The following COL6A2 variants were observed in gnomAD, a reference collection of about 807,000 sequenced individuals.
COL6A2 encodes the protein collagen type VI alpha 2 chain, also known as collagen alpha-2(VI) chain.
Under a neutral mutation model 124.9 loss-of-function variants are expected in COL6A2, and 90 were observed. The observed-to-expected ratio is 0.72, with a 90% CI of 0.61 to 0.86. The LOEUF is 0.86. COL6A2 is among the 40% of genes least tolerant of loss of function. The pLI, the probability that COL6A2 is intolerant of heterozygous loss-of-function variation, is 0.00. For synonymous variants in COL6A2, 793 were observed against 618.2 expected, an observed-to-expected ratio of 1.28 and a Z score of -4.19; for missense variants, 1,607 against 1,502.5, an observed-to-expected ratio of 1.07 and a Z score of -1.15.
chr21:46,124,364 C>A (rs2078626298), intron 21 of COL6A2, among the ~76,000 whole-genome samples: 3 of 152,038 alleles, frequency 2.0e-5, no homozygotes, highest in Non-Finnish European at 2.9e-5. Context: ...GGTGGAATAC[C>A]CATGGATTGG....
chr21:46,124,865 C>T lies in COL6A2; in HGVS notation c.1735-20C>T. On this transcript the variant is annotated intron_variant, in intron 22 of 27. Transcript: ENST00000300527. Reference sequence around the variant, plus strand: ...CCCAGCCTTGGCCCCAGAGTCTCAGCCTCATCCTTCCTTCCCCAGGGTGAG... The same window carrying T: ...CCCAGCCTTGGCCCCAGAGTCTCAGTCTCATCCTTCCTTCCCCAGGGTGAG... 6.2e-7 allele frequency: 1 copy of T among 1,612,878 alleles called. No homozygotes were observed. Among genetic ancestry groups the T allele is most frequent in the Non-Finnish European group, 8.5e-7 (1 of 1,179,946 alleles).
Position 46,116,855 on chromosome 21 carries a change from G to T in COL6A2, c.999+41G>T. Reference sequence around the variant, plus strand: ...GGCTCACAGCTGGACTGGTCTCACAGAGGCATCCCAGCCTCTGCAGGGCCC... The same window carrying T: ...GGCTCACAGCTGGACTGGTCTCACATAGGCATCCCAGCCTCTGCAGGGCCC... On this transcript the variant is annotated intron_variant, in intron 10 of 27. Coordinates refer to ENST00000300527, the MANE Select transcript of COL6A2 (RefSeq NM_001849.4). This position sits in a 1 kb window ranked among gnomAD's most constrained non-coding sequence, Gnocchi z 4.6. The T allele has an allele frequency of 6.2e-7, 1 of 1,610,878 alleles. No homozygotes were observed. The highest frequency in any genetic ancestry group is 1.1e-5 in the South Asian group (1 of 90,986).
At position 46,125,298 on chromosome 21, in the gene COL6A2, C is replaced by T. The variant is rs1249448819; in HGVS notation, c.1803C>T (p.Thr601=). 7 of 1,611,270 alleles carry T rather than the reference C, an allele frequency of 4.3e-6. No homozygotes were observed. The highest frequency in any genetic ancestry group is 5.9e-6 in the Non-Finnish European group (7 of 1,179,002). ...ACGTCATGACCTACGTGAGGGAGAC[C>T]TGCGGGTGCTGCGGTGAGGCACTGC... The part of the protein sequence containing the change: ...ECDVMTYVRE[T]CGCCDCEKRC... The change falls in exon 24 of 28, where the codon ACC becomes ACT. Residue 601 remains threonine, a synonymous_variant. Coordinates refer to ENST00000300527, the MANE Select transcript of COL6A2 (RefSeq NM_001849.4).
chr21:46,113,923 G>T, intron 4 of COL6A2, 85 bp from the exon 5 acceptor site: 1 of 1,144,344 alleles, frequency 8.7e-7, no homozygotes, highest in Non-Finnish European at 1.3e-6. Flanking sequence ...GCTGAGAGTC[G>T]TGGGCTACAC....
intron 27 of COL6A2, among the ~76,000 whole-genome samples, chr21:46,131,104 G>A (rs1035479716): frequency 6.6e-6 from 1 of 152,228 alleles, no homozygotes; most frequent in Non-Finnish European, 1.5e-5. Flanking sequence ...GTTGGGCTGA[G>A]AAGCAGACAC....
In COL6A2 at chr21:46,125,294, A is replaced by G; in HGVS notation, c.1799A>G (p.Glu600Gly). 1 of 1,611,742 alleles carries G rather than the reference A, an allele frequency of 6.2e-7. No individual in the cohort carries two copies. Among genetic ancestry groups the G allele is most frequent in the Non-Finnish European group, 8.5e-7 (1 of 1,179,304 alleles). Residue 600 changes from glutamate to glycine, a missense_variant, in exon 24 of 28, where the codon GAG (glutamate) becomes GGG (glycine). Glu to Gly is a moderately conservative substitution (Grantham distance 98). Around this residue, in one of 3 missense-constraint regions of COL6A2, gnomAD observed 1,223 missense variants for 1,052.2 expected, o/e 1.16. Coordinates refer to ENST00000300527, the MANE Select transcript of COL6A2 (RefSeq NM_001849.4). ...TECDVMTYVR[E>G]TCGCCDCEKR... ...TGTGACGTCATGACCTACGTGAGGG[A>G]GACCTGCGGGTGCTGCGGTGAGGCA...
In COL6A2 at chr21:46,124,828, G is replaced by C. The variant is rs536407853; in HGVS notation, c.1735-57G>C. On this transcript the variant is annotated intron_variant, in intron 22 of 27. Transcript: ENST00000300527. ...CGTATCAGTGGGCAGTGGCCTGGGAGAGACTCAGCCACCCAGCCTTGGCCC... is the reference window on the plus strand; with the variant it reads ...CGTATCAGTGGGCAGTGGCCTGGGACAGACTCAGCCACCCAGCCTTGGCCC... The C allele has an allele frequency of 1.1e-4, 181 of 1,609,344 alleles. 1 individual carries two copies. In the African/African-American group the frequency reaches 2.3e-3, roughly 21 times the overall value.
At chr21:46,128,895 C>A (rs369093181) in intron 27 of COL6A2, 1 of 1,610,238 alleles carries the variant, frequency 6.2e-7, no homozygotes, top group African/African-American at 1.3e-5. Context: ...GGCCTGTCTC[C>A]GGCACAGGTT....
At chr21:46,117,844 G>A (rs1487602792) in intron 11 of COL6A2, 30 bp from the exon 12 acceptor site, 1 of 1,600,138 alleles carries the variant, frequency 6.2e-7, no homozygotes, top group South Asian at 1.1e-5. Context: ...CCCGCCGTGT[G>A]CCGAGCTCCA....
At chr21:46,127,651 T>C (rs566710525) in intron 27 of COL6A2, among the ~76,000 whole-genome samples, 3 of 152,220 alleles carry the variant, frequency 2.0e-5, no homozygotes, top group African/African-American at 7.2e-5. Context: ...CCCTCGTTCC[T>C]GATGGGGCAG....
intron 1 of COL6A2, 186 bp from the exon 2 acceptor site, chr21:46,111,264 C>T (rs1026519981): frequency 2.5e-5 from 14 of 553,632 alleles, no homozygotes; most frequent in Admixed American, 9.2e-5. Context: ...CAGGGTGGGG[C>T]AAGAGGGCGC....
chr21:46,106,804 C>T (rs754007980), intron 1 of COL6A2, among the ~76,000 whole-genome samples: 3 of 152,144 alleles, frequency 2.0e-5, no homozygotes, highest in Non-Finnish European at 2.9e-5. Flanking sequence ...GTAATTTTAT[C>T]GTTTCATTTG....
In COL6A2 at chr21:46,124,833, T is replaced by C. The variant is rs1454209074; in HGVS notation, c.1735-52T>C. ...CAGTGGGCAGTGGCCTGGGAGAGACTCAGCCACCCAGCCTTGGCCCCAGAG... is the reference window on the plus strand; with the variant it reads ...CAGTGGGCAGTGGCCTGGGAGAGACCCAGCCACCCAGCCTTGGCCCCAGAG... On this transcript the variant is annotated intron_variant, in intron 22 of 27. Transcript: ENST00000300527. 7.5e-6 allele frequency: 12 copies of C among 1,610,472 alleles called. No homozygotes were observed. The Admixed American group carries it at 1.2e-4, about 16-fold the overall frequency.
In COL6A2 at chr21:46,126,143, C is replaced by T; in HGVS notation, c.2328C>T (p.Ala776=). 1 of 1,611,186 alleles carries T rather than the reference C, an allele frequency of 6.2e-7. No homozygotes were observed. Among genetic ancestry groups the T allele is most frequent in the Non-Finnish European group, 8.5e-7 (1 of 1,179,994 alleles). ...KHESENLYSI[A]CDKPQQVRNM... ...AGAGTGAAAACCTCTACTCCATCGCCTGCGACAAGCCACAGCAGGTGCGCA... is the reference window on the plus strand; with the variant it reads ...AGAGTGAAAACCTCTACTCCATCGCTTGCGACAAGCCACAGCAGGTGCGCA... Residue 776 remains alanine (A), a synonymous_variant, in exon 26 of 28, where the codon GCC becomes GCT. Transcript: ENST00000300527.
intron 1 of COL6A2, among the ~76,000 whole-genome samples, chr21:46,100,059 C>T (rs2078272761): frequency 6.6e-6 from 1 of 151,918 alleles, no homozygotes; most frequent in African/African-American, 2.4e-5. Flanking sequence ...CCCCATGTTC[C>T]TAATGGATGT....
intron 27 of COL6A2, chr21:46,129,205 G>A: frequency 6.2e-7 from 1 of 1,612,896 alleles, no homozygotes; most frequent in South Asian, 1.1e-5. Context: ...GATGCACCGT[G>A]GCCTGGCGGC....
chr21:46,115,791 C>T (rs191769718), intron 5 of COL6A2, 81 bp from the exon 6 acceptor site: 3 of 1,291,616 alleles, frequency 2.3e-6, no homozygotes, highest in African/African-American at 2.9e-5. Context: ...TGTGTCACCT[C>T]TCAGAGGAGC....
At position 46,128,815 on chromosome 21, in the gene COL6A2, C is replaced by T. The variant is rs375320209; in HGVS notation, c.2461+2274C>T. On this transcript the variant is annotated intron_variant, in intron 27 of 27. Coordinates refer to ENST00000300527, the MANE Select transcript of COL6A2 (RefSeq NM_001849.4). ...GTTTACCACCGCAAGCTTTCTCAGG[C>T]GGGCTCTTGAGGGGTGGCTGGGGTC... 23 of 1,069,508 alleles carry T rather than the reference C, an allele frequency of 2.2e-5. No homozygotes were observed. The African/African-American group carries it at 2.3e-4, about 11-fold the overall frequency. The allele number at this position is 1,069,508 out of a possible 1,614,324, so 66.3% of individuals were successfully genotyped here.
At chr21:46,115,764 G>A in intron 5 of COL6A2, 108 bp from the exon 6 acceptor site, 1 of 980,236 alleles carries the variant, frequency 1.0e-6, no homozygotes, top group Non-Finnish European at 1.6e-6. Context: ...TTGGGCAGGG[G>A]AATCAGTAAC....
Sources: gnomAD v4.1 joint callset for allele counts (sites outside exome capture counted in the v4.1 genomes callset) on GRCh38, gnomAD v4.1.1 for gene constraint, gnomAD v4.1.1 regional missense constraint, Gnocchi (gnomAD v3.1) non-coding constraint, MANE v1.5 for transcripts, NCBI Gene and HGNC (gene_info 2026-07-23, HGNC 2026-07-21) for gene names.